The following HAT1 variants were observed in gnomAD, a reference collection of about 807,000 sequenced individuals.
HAT1 encodes histone acetyltransferase 1.
A neutral mutation model predicts 56.6 loss-of-function variants in HAT1; 20 were observed. The ratio of observed to expected loss-of-function variants is 0.35; its 90% confidence interval spans 0.25 to 0.51. The LOEUF is 0.51. Ranked by LOEUF, HAT1 falls within the 20% of genes least tolerant of loss-of-function variation. The pLI, the probability that HAT1 is intolerant of heterozygous loss-of-function variation, is 0.95. For missense variants in HAT1, 408 were observed against 504.3 expected (o/e 0.81, Z 1.83); for synonymous variants, 146 against 165.5 (o/e 0.88, Z 0.91).
Position 171,965,513 on chromosome 2 carries a change from A to G in HAT1, c.485A>G (p.Tyr162Cys), listed in dbSNP as rs772620643. 5 of 1,536,198 alleles carry G rather than the reference A, an allele frequency of 3.3e-6. No individual in the cohort carries two copies. The East Asian group carries it at 6.8e-5, about 21-fold the overall frequency. ...TGGENFTFQI[Y>C]KADMTCRGFR... ...GGAGAAAACTTTACCTTTCAGATAT[A>G]TAAGGTAAAGATAAATCTAAATATT... The change falls in exon 5 of 11, where the codon TAT becomes TGT. Residue 162 changes from tyrosine (Y) to cysteine (C), a missense_variant. Physicochemically the swap from Tyr to Cys is radical, Grantham distance 194. Coordinates refer to ENST00000264108, the MANE Select transcript of HAT1 (RefSeq NM_003642.4).
chr2:171,981,662 A>G (rs534717476), intron 10 of HAT1, among the ~76,000 whole-genome samples: 1 of 152,330 alleles, frequency 6.6e-6, no homozygotes, highest in South Asian at 2.1e-4. Flanking sequence ...GAATTCATAC[A>G]CAGATGTATG....
In HAT1 at chr2:171,938,599, G is replaced by A. The variant is rs545586166; in HGVS notation, c.113-8109G>A. 7.2e-5 allele frequency among the ~76,000 whole-genome samples: 11 copies of A among 152,192 alleles called. No homozygotes were observed. In the South Asian group the frequency reaches 2.1e-3, roughly 29 times the overall value. On this transcript the variant is annotated intron_variant, in intron 2 of 10. Transcript: ENST00000264108. ...CCAGTCTACTCTGTAATCTCGTTTT[G>A]GTTGCTGTCATTGCAGAAAACCCTG...
chr2:171,966,035 G>A, intron 6 of HAT1, 127 bp downstream of exon 6: 1 of 856,030 alleles, frequency 1.2e-6, no homozygotes, highest in Non-Finnish European at 1.8e-6. Flanking sequence ...TATTGTTTAT[G>A]AGGCTTGAGT....
At chr2:171,972,244 G>GTT (rs572188174) in intron 8 of HAT1, among the ~76,000 whole-genome samples, 4 of 137,568 alleles carry the variant, frequency 2.9e-5, no homozygotes, top group Non-Finnish European at 4.8e-5. Context: ...TGTTTTTGTT[G>GTT]TTTTTTTTTT....
At chr2:171,979,649 A>G (rs898115764) in intron 10 of HAT1, 2 of 232,952 alleles carry the variant, frequency 8.6e-6, no homozygotes, top group Non-Finnish European at 1.7e-5. Flanking sequence ...CTCTACTAAA[A>G]ATACAAACAT....
In HAT1 at chr2:171,922,476, A is replaced by G; in HGVS notation, c.-25A>G. On this transcript the variant is annotated 5_prime_UTR_variant, in exon 1 of 11. Coordinates refer to ENST00000264108, the MANE Select transcript of HAT1 (RefSeq NM_003642.4). Reference sequence around the variant, plus strand: ...CGCGCGGGTTGATTCGTCCTTCCTCAGCCGCGGGTGATCGTAGCTCGGAAA... The same window carrying G: ...CGCGCGGGTTGATTCGTCCTTCCTCGGCCGCGGGTGATCGTAGCTCGGAAA... 1.5e-6 allele frequency: 2 copies of G among 1,318,484 alleles called. No individual in the cohort carries two copies. The highest frequency in any genetic ancestry group is 2.0e-6 in the Non-Finnish European group (2 of 1,024,254). The allele number at this position is 1,318,484 out of a possible 1,614,324, so 81.7% of individuals were successfully genotyped here.
chr2:171,968,239 T>G (rs1687728755), intron 8 of HAT1, among the ~76,000 whole-genome samples: 1 of 152,170 alleles, frequency 6.6e-6, no homozygotes, highest in Admixed American at 6.5e-5. Flanking sequence ...TAGTGACTTA[T>G]AAAATTGTAG....
In HAT1 at chr2:171,965,423, A is replaced by C; in HGVS notation, c.395A>C (p.Lys132Thr). ...NTNDFLSLLE[K>T]EVDFKPFGTL... Reference sequence around the variant, plus strand: ...AATGATTTCCTTTCTTTACTGGAAAAGGAAGTTGATTTCAAGCCATTCGGA... The same window carrying C: ...AATGATTTCCTTTCTTTACTGGAAACGGAAGTTGATTTCAAGCCATTCGGA... Residue 132 changes from lysine (K) to threonine (T), a missense_variant, in exon 5 of 11, where the codon AAG becomes ACG. Physicochemically the swap from Lys to Thr is moderately conservative, Grantham distance 78. Transcript: ENST00000264108. 6.2e-7 allele frequency: 1 copy of C among 1,610,858 alleles called. No homozygotes were observed. Among genetic ancestry groups the C allele is most frequent in the East Asian group, 2.2e-5 (1 of 44,830 alleles).
chr2:171,983,044 C>CAA, intron 10 of HAT1, 141 bp from the exon 11 acceptor site: 2 of 517,014 alleles, frequency 3.9e-6, no homozygotes, highest in Non-Finnish European at 6.7e-6. Context: ...AAAAACAAAA[C>CAA]AAAACAAAAA....
intron 2 of HAT1, among the ~76,000 whole-genome samples, chr2:171,940,616 T>G (rs147333107): frequency 3.3e-5 from 5 of 152,296 alleles, no homozygotes; most frequent in South Asian, 2.1e-4. Flanking sequence ...TTCAATAAAT[T>G]GCTTCTGTTC....
chr2:171,927,912 G>A (rs1021545574), intron 2 of HAT1, among the ~76,000 whole-genome samples: 1 of 151,714 alleles, frequency 6.6e-6, no homozygotes, highest in African/African-American at 2.4e-5. Flanking sequence ...TTGAGATGGA[G>A]TCTCACTCTT....
intron 10 of HAT1, 50 bp downstream of exon 10, chr2:171,979,413 C>T (rs773648993): frequency 2.2e-6 from 2 of 911,446 alleles, no homozygotes; most frequent in South Asian, 1.4e-5. Flanking sequence ...CTGTTTAAAA[C>T]AGAAGAAAAG....
intron 2 of HAT1, among the ~76,000 whole-genome samples, chr2:171,934,599 G>GGGA (rs1686821037): frequency 1.3e-5 from 2 of 152,244 alleles, no homozygotes; most frequent in African/African-American, 4.8e-5. Context: ...CTAGGTGAGT[G>GGGA]GGAGGAGTGA....
At chr2:171,942,865 T>C (rs938953808) in intron 2 of HAT1, among the ~76,000 whole-genome samples, 1 of 152,166 alleles carries the variant, frequency 6.6e-6, no homozygotes, top group Non-Finnish European at 1.5e-5. Context: ...TTAGAAATTA[T>C]TATCATAACT....
At chr2:171,954,945 G>T (rs1279232142) in intron 4 of HAT1, among the ~76,000 whole-genome samples, 1 of 152,246 alleles carries the variant, frequency 6.6e-6, no homozygotes, top group Non-Finnish European at 1.5e-5. Flanking sequence ...CACAGAGGCA[G>T]ATGTGATATG....
chr2:171,933,691 C>T (rs768648869), intron 2 of HAT1, among the ~76,000 whole-genome samples: 4 of 152,018 alleles, frequency 2.6e-5, no homozygotes, highest in Admixed American at 2.6e-4. Flanking sequence ...ACTTAATTTC[C>T]AAATATTTGG....
chr2:171,932,837 C>G (rs1484074747), intron 2 of HAT1, among the ~76,000 whole-genome samples: 2 of 152,096 alleles, frequency 1.3e-5, no homozygotes, highest in Non-Finnish European at 2.9e-5. Context: ...TCACTGCACT[C>G]CAGTCTGGGT....
chr2:171,968,091 T>A (rs1687725538), intron 8 of HAT1, among the ~76,000 whole-genome samples: 1 of 151,992 alleles, frequency 6.6e-6, no homozygotes, highest in South Asian at 2.1e-4. Flanking sequence ...AGTTTCACAT[T>A]TATAGAGGTG....
chr2:171,978,156 C>A (rs1688035770), intron 9 of HAT1, among the ~76,000 whole-genome samples: 1 of 151,522 alleles, frequency 6.6e-6, no homozygotes, highest in Admixed American at 6.6e-5. Flanking sequence ...CCTCAACCTC[C>A]TGGGCTCAAA....
Sources: allele counts gnomAD v4.1 joint callset (sites outside exome capture counted in the v4.1 genomes callset), GRCh38; gene constraint gnomAD v4.1.1; transcripts MANE v1.5; gene names NCBI Gene and HGNC (gene_info 2026-07-23, HGNC 2026-07-21).